BAIAP2: variants seen among roughly 807,000 people sequenced by gnomAD.
BAIAP2 encodes the protein BAR/IMD domain-containing adapter protein 2.
Under a neutral mutation model 63.0 loss-of-function variants are expected in BAIAP2, and 18 were observed. The observed-to-expected ratio is 0.29, with a 90% CI of 0.20 to 0.42. BAIAP2 has a LOEUF of 0.42. BAIAP2 is among the 10% of genes least tolerant of loss of function. The pLI is 1.00. For missense variants in BAIAP2, 610 were observed against 734.3 expected (o/e 0.83, Z 1.96); for synonymous variants, 386 against 307.6 (o/e 1.25, Z -2.67).
At chr17:81,050,484 C>T (rs554525747) in intron 1 of BAIAP2, among the ~76,000 whole-genome samples, 2 of 152,334 alleles carry the variant, frequency 1.3e-5, no homozygotes, top group South Asian at 4.1e-4. Context: ...GTGGTTGGCC[C>T]TGGGTGGCTC....
At chr17:81,070,696 C>T (rs916760801) in intron 3 of BAIAP2, among the ~76,000 whole-genome samples, 1 of 152,154 alleles carries the variant, frequency 6.6e-6, no homozygotes, top group Non-Finnish European at 1.5e-5. Flanking sequence ...TCATCTCCAC[C>T]CCTGTGTGTC....
In BAIAP2 at chr17:81,044,202, C is replaced by T. The variant is rs186552327; in HGVS notation, c.54+8894C>T. Among the ~76,000 whole-genome samples, 1,070 of 152,362 alleles carry T rather than the reference C, an allele frequency of 7.0e-3. 7 individuals carry two copies. Among genetic ancestry groups the T allele is most frequent in the Non-Finnish European group, 0.01 (705 of 68,036 alleles). On this transcript the variant is annotated intron_variant, in intron 1 of 13. Transcript: ENST00000428708. ...CCCTGCTTGCTCAGCCACGGTTGCT[C>T]CTCCAGCCGTGAGCCCAGCCCGAAA...
At chr17:81,109,870 G>C (rs767450744) in intron 13 of BAIAP2, 3 of 985,348 alleles carry the variant, frequency 3.0e-6, no homozygotes, top group Non-Finnish European at 3.6e-6. Flanking sequence ...CGGGCTACCT[G>C]GCTGCTCTGG....
intron 13 of BAIAP2, chr17:81,109,084 G>C: frequency 6.7e-7 from 1 of 1,496,542 alleles, no homozygotes; most frequent in Non-Finnish European, 9.0e-7. Flanking sequence ...AGCTCTCGCT[G>C]GTTTGTTCTT....
chr17:81,055,918 C>G (rs184049842), intron 2 of BAIAP2, among the ~76,000 whole-genome samples: 1 of 152,094 alleles, frequency 6.6e-6, no homozygotes, highest in Non-Finnish European at 1.5e-5. Flanking sequence ...CAGTGACCCC[C>G]GTCCCCCAGC....
At chr17:81,056,307 C>T (rs747355562) in intron 2 of BAIAP2, 2 of 152,226 alleles carry the variant, frequency 1.3e-5, no homozygotes, top group African/African-American at 2.4e-5. Flanking sequence ...TGAATCTTGG[C>T]CATTACAATG....
intron 3 of BAIAP2, among the ~76,000 whole-genome samples, chr17:81,073,323 G>A (rs1461416296): frequency 2.6e-5 from 4 of 152,122 alleles, no homozygotes; most frequent in African/African-American, 9.7e-5. Flanking sequence ...GGACCTCTTG[G>A]TTTGTAGGAG....
intron 6 of BAIAP2, chr17:81,098,097 GC>G: frequency 7.3e-7 from 1 of 1,365,594 alleles, no homozygotes. Context: ...TCATGGAGGG[GC>G]CAGCGGGGGG....
chr17:81,054,875 C>G (rs1465491912), intron 2 of BAIAP2, among the ~76,000 whole-genome samples: 1 of 152,194 alleles, frequency 6.6e-6, no homozygotes, highest in Non-Finnish European at 1.5e-5. Context: ...CTCACCTGCC[C>G]TGTTGGCCCC....
At chr17:81,036,857 T>C in intron 1 of BAIAP2, 1 of 1,535,194 alleles carries the variant, frequency 6.5e-7, no homozygotes. Flanking sequence ...TTGTTTGTGA[T>C]TGCAGAGGGT....
chr17:81,059,832 A>T (rs1022878309), intron 3 of BAIAP2, among the ~76,000 whole-genome samples: 5 of 151,086 alleles, frequency 3.3e-5, no homozygotes, highest in African/African-American at 1.2e-4. Context: ...CCTTGGTCGC[A>T]TGAGGGTCTG....
intron 1 of BAIAP2, among the ~76,000 whole-genome samples, chr17:81,040,854 C>T (rs1278758514): frequency 6.6e-6 from 1 of 152,178 alleles, no homozygotes; most frequent in African/African-American, 2.4e-5. Context: ...CTACTGTGGC[C>T]CAGGGGCTCT....
chr17:81,111,095 T>G, intron 13 of BAIAP2: 1 of 1,030,130 alleles, frequency 9.7e-7, no homozygotes, highest in Non-Finnish European at 1.5e-6. Context: ...AGCCTGCCTC[T>G]CACTCTGGGT....
intron 2 of BAIAP2, among the ~76,000 whole-genome samples, chr17:81,054,454 G>A (rs2049141037): frequency 6.6e-6 from 1 of 152,172 alleles, no homozygotes; most frequent in African/African-American, 2.4e-5. Context: ...GCGGCTCTGA[G>A]TGAAGGTGTA....
intron 7 of BAIAP2, among the ~76,000 whole-genome samples, chr17:81,102,527 G>A (rs183181647): frequency 2.1e-3 from 327 of 152,344 alleles, no homozygotes; most frequent in Non-Finnish European, 3.7e-3. Context: ...TTCACAAATC[G>A]ATGCACAGCT....
chr17:81,073,017 C>T (rs1181529994), intron 3 of BAIAP2, among the ~76,000 whole-genome samples: 1 of 152,068 alleles, frequency 6.6e-6, no homozygotes, highest in Non-Finnish European at 1.5e-5. Context: ...GTATTGGGTG[C>T]CTGTCACCTC....
At position 81,057,969 on chromosome 17, in the gene BAIAP2, T is replaced by TGGGGGGGGGGGGGGGGGGG; in HGVS notation, c.217+3_217+4insGGGGGGGGGGGGGGGGGGG. ...AGAGCCAGGGCTCCAAAGAACTCGG[T>TGGGGGGGGGGGGGGGGGGG]GAGACCCCCCCCCCCCCCCCGCCTG... On this transcript the variant is annotated splice_region_variant and intron_variant, in intron 3 of 13. Transcript: ENST00000428708. The TGGGGGGGGGGGGGGGGGGG allele has an allele frequency of 1.0e-6, 1 of 964,858 alleles. No homozygotes were observed. The highest frequency in any genetic ancestry group is 1.4e-6 in the Non-Finnish European group (1 of 713,578). The allele number at this position is 964,858 out of a possible 1,614,324, so 59.8% of individuals were successfully genotyped here.
At chr17:81,105,923 C>T (rs1002815294) in intron 10 of BAIAP2, 155 bp from the exon 11 acceptor site, 15 of 635,972 alleles carry the variant, frequency 2.4e-5, no homozygotes, top group Middle Eastern at 8.3e-4. Flanking sequence ...GAGCGGGCTG[C>T]GGTCTTTGTC....
chr17:81,044,704 T>G (rs1279877443), intron 1 of BAIAP2, among the ~76,000 whole-genome samples: 1 of 152,218 alleles, frequency 6.6e-6, no homozygotes, highest in African/African-American at 2.4e-5. Context: ...CTGTCTGTCT[T>G]CAGGCTGATT....
Sources: allele counts gnomAD v4.1 joint callset (sites outside exome capture counted in the v4.1 genomes callset), GRCh38; gene constraint gnomAD v4.1.1; transcripts MANE v1.5; gene names NCBI Gene and HGNC (gene_info 2026-07-23, HGNC 2026-07-21).